Variants in TDRD9 observed in about 807,000 individuals in gnomAD.
TDRD9 encodes the protein tudor domain containing 9.
In TDRD9, 124 loss-of-function variants were observed where a neutral mutation model predicts 172.6. The ratio of observed to expected loss-of-function variants is 0.72; its 90% CI spans 0.62 to 0.83. The LOEUF (loss-of-function observed/expected upper bound fraction) is 0.83. Among genes scored for constraint, TDRD9 ranks in the 40% least tolerant of loss-of-function variants. The pLI is 0.00. For missense variants in TDRD9, 1,479 were observed against 1,714.1 expected (o/e 0.86, Z 2.42); for synonymous variants, 619 against 617.1 (o/e 1.00, Z -0.05).
At position 103,975,345 on chromosome 14, in the gene TDRD9, A is replaced by T. The variant is rs753374425; in HGVS notation, c.847-44A>T. On this transcript the variant is annotated intron_variant, in intron 6 of 35. Coordinates refer to ENST00000409874, the MANE Select transcript of TDRD9 (RefSeq NM_153046.3). ...CAGTTTTAGAAGTATTTAATTTGTG[A>T]TGATTCTCATTGTTTTATTTGAATG... 26 of 1,571,590 alleles carry T rather than the reference A, an allele frequency of 1.7e-5. 1 individual carries two copies. Among genetic ancestry groups the T allele is most frequent in the Non-Finnish European group, 2.3e-5 (26 of 1,153,240 alleles).
chr14:103,945,258 T>TGAAA (rs2031499641), intron 1 of TDRD9: 1 of 152,258 alleles, frequency 6.6e-6, no homozygotes, highest in African/African-American at 2.4e-5. Flanking sequence ...ACTTACTTGT[T>TGAAA]TGACACCTTT....
intron 11 of TDRD9, 99 bp from the exon 12 acceptor site, chr14:103,995,651 T>C: frequency 9.3e-7 from 1 of 1,080,100 alleles, no homozygotes; most frequent in Non-Finnish European, 1.3e-6. Context: ...AGTATTTACA[T>C]TCAGAAGCTT....
At chr14:104,050,504 TC>T (rs1358037261) in intron 35 of TDRD9, among the ~76,000 whole-genome samples, 1 of 152,166 alleles carries the variant, frequency 6.6e-6, no homozygotes, top group African/African-American at 2.4e-5. Context: ...GAGATTTAAT[TC>T]CAGAGCCAGG....
chr14:104,010,643 G>T (rs1427152776), intron 20 of TDRD9, among the ~76,000 whole-genome samples: 1 of 148,074 alleles, frequency 6.8e-6, no homozygotes, highest in Non-Finnish European at 1.5e-5. Flanking sequence ...TATATACTCT[G>T]AAATAATGAT....
At chr14:103,939,677 GTTTTT>G (rs71126088) in intron 1 of TDRD9, 1 of 68,678 alleles carries the variant, frequency 1.5e-5, no homozygotes, top group African/African-American at 5.2e-5. Context: ...AGTTAGGAGG[GTTTTT>G]TTTTTTTTTT....
At chr14:104,039,005 C>A (rs1454275716) in intron 32 of TDRD9, among the ~76,000 whole-genome samples, 1 of 152,132 alleles carries the variant, frequency 6.6e-6, no homozygotes, top group Non-Finnish European at 1.5e-5. Context: ...TAAAGACATA[C>A]CCGAGACTGG....
chr14:103,929,148 C>T (rs184847364), intron 1 of TDRD9, among the ~76,000 whole-genome samples: 68 of 152,164 alleles, frequency 4.5e-4, no homozygotes, highest in Admixed American at 4.6e-4. Context: ...GGAGGGTTCA[C>T]GCCTCGTACT....
intron 1 of TDRD9, among the ~76,000 whole-genome samples, chr14:103,939,402 G>A (rs931248647): frequency 1.3e-5 from 2 of 152,148 alleles, no homozygotes; most frequent in South Asian, 2.1e-4. Flanking sequence ...AAGCAGTTGT[G>A]TACTTTTCGG....
intron 19 of TDRD9, among the ~76,000 whole-genome samples, chr14:104,008,124 A>G (rs1204758286): frequency 6.6e-6 from 1 of 152,180 alleles, no homozygotes; most frequent in Non-Finnish European, 1.5e-5. Context: ...TTGTTGGTAT[A>G]TAATTTGTCA....
At chr14:103,991,618 G>A (rs201616258) in intron 9 of TDRD9, among the ~76,000 whole-genome samples, 14 of 152,028 alleles carry the variant, frequency 9.2e-5, no homozygotes, top group South Asian at 2.1e-4. Flanking sequence ...TCACCATGTT[G>A]GCCAGGATGG....
chr14:104,025,170 C>T (rs957295843), intron 25 of TDRD9, among the ~76,000 whole-genome samples: 4 of 152,076 alleles, frequency 2.6e-5, no homozygotes, highest in Admixed American at 6.6e-5. Context: ...TTGGTAGAGA[C>T]GGGGTTTTAC....
intron 23 of TDRD9, among the ~76,000 whole-genome samples, chr14:104,021,275 C>T (rs2034946369): frequency 6.6e-6 from 1 of 152,170 alleles, no homozygotes; most frequent in Non-Finnish European, 1.5e-5. Context: ...TCACCTCCCA[C>T]CAGGCCCCTC....
intron 1 of TDRD9, among the ~76,000 whole-genome samples, chr14:103,933,251 G>A (rs1193668944): frequency 2.0e-5 from 3 of 152,226 alleles, no homozygotes; most frequent in South Asian, 2.1e-4. Context: ...GCATTCTCCA[G>A]TGTGTAGCAC....
Position 104,004,291 on chromosome 14 carries a change from T to A in TDRD9, c.1537T>A (p.Phe513Ile). The change falls in exon 14 of 36, where the codon TTC (phenylalanine) becomes ATC (isoleucine). Residue 513 changes from phenylalanine (F) to isoleucine (I), a missense_variant. By Grantham distance (21) the Phe-to-Ile change is conservative (BLOSUM62 0). Coordinates refer to ENST00000409874, the MANE Select transcript of TDRD9 (RefSeq NM_153046.3). ...GYCYRLVHKD[F>I]WDNSIPDHVV... Reference sequence around the variant, plus strand: ...CTGTTACCGGCTGGTACACAAGGATTTCTGGGACAACTCCATCCCTGATCA... The same window carrying A: ...CTGTTACCGGCTGGTACACAAGGATATCTGGGACAACTCCATCCCTGATCA... 1 of 1,606,158 alleles carries A rather than the reference T, an allele frequency of 6.2e-7. No individual in the cohort carries two copies. Among genetic ancestry groups the A allele is most frequent in the Non-Finnish European group, 8.5e-7 (1 of 1,174,522 alleles).
At chr14:103,934,606 G>A (rs749285777) in intron 1 of TDRD9, among the ~76,000 whole-genome samples, 2 of 152,132 alleles carry the variant, frequency 1.3e-5, no homozygotes, top group Admixed American at 6.5e-5. Context: ...GTGAAACCCC[G>A]TCTCTACTAA....
intron 23 of TDRD9, among the ~76,000 whole-genome samples, chr14:104,020,719 T>G (rs549109101): frequency 6.6e-6 from 1 of 152,264 alleles, no homozygotes; most frequent in African/African-American, 2.4e-5. Context: ...AGGTGTACAT[T>G]TCCAGGAGAG....
intron 2 of TDRD9, among the ~76,000 whole-genome samples, chr14:103,959,993 C>T (rs1451801557): frequency 6.6e-6 from 1 of 152,162 alleles, no homozygotes; most frequent in African/African-American, 2.4e-5. Flanking sequence ...TGTTTTCATC[C>T]TCCTTTTAGC....
chr14:104,005,865 C>T (rs541952809), intron 15 of TDRD9, among the ~76,000 whole-genome samples: 8 of 152,178 alleles, frequency 5.3e-5, no homozygotes, highest in African/African-American at 7.2e-5. Flanking sequence ...TAGGCTGGAG[C>T]GCAGTGATGC....
intron 33 of TDRD9, 40 bp from the exon 34 acceptor site, chr14:104,042,029 A>G: frequency 7.9e-7 from 1 of 1,273,390 alleles, no homozygotes; most frequent in Non-Finnish European, 1.1e-6. Context: ...TTCAGTTACG[A>G]CGGAGCCTTA....
Sources: allele counts gnomAD v4.1 joint callset (sites outside exome capture counted in the v4.1 genomes callset), GRCh38; gene constraint gnomAD v4.1.1; transcripts MANE v1.5; gene names NCBI Gene and HGNC (gene_info 2026-07-23, HGNC 2026-07-21).